Variants in ELFN2 observed in about 807,000 individuals in gnomAD.
ELFN2 encodes protein phosphatase 1 regulatory subunit 29.
Under a neutral mutation model 45.5 loss-of-function variants are expected in ELFN2, and 17 were observed. The observed-to-expected ratio is 0.37, with a 90% confidence interval of 0.26 to 0.56. The LOEUF (loss-of-function observed/expected upper bound fraction) is 0.56, where lower values mean the gene tolerates loss of function less well. ELFN2 is among the 20% of genes least tolerant of loss of function. The pLI, the probability that ELFN2 is intolerant of heterozygous loss-of-function variation, is 0.77. For synonymous variants in ELFN2, 550 were observed against 551.5 expected, an observed-to-expected ratio of 1.00 and a Z score of 0.04; for missense variants, 922 against 1,183.2, an observed-to-expected ratio of 0.78 and a Z score of 3.24.
chr22:37,377,864 T>G (rs911461859), intron 2 of ELFN2, among the ~76,000 whole-genome samples: 1 of 152,184 alleles, frequency 6.6e-6, no homozygotes, highest in African/African-American at 2.4e-5. Context: ...TTGGCCCCCG[T>G]CCAGCACGGC....
rs867242295 is a variant in ELFN2, at chr22:37,374,904, C to T, written c.631G>A (p.Asp211Asn). 7.4e-6 allele frequency: 12 copies of T among 1,611,862 alleles called. No individual in the cohort carries two copies. Among genetic ancestry groups the T allele is most frequent in the Middle Eastern group, 1.6e-4 (1 of 6,084 alleles). ...CGCGGCGACTCACACTGCAGGCGGT[C>T]GTAGTTCTTGGTGACGTTGTTGAAG... ...VVFNNVTKNY[D>N]RLQCESPREF... The change falls in exon 3 of 3, where the codon GAC becomes AAC. Residue 211 changes from aspartate to asparagine, a missense_variant. Physicochemically the swap from Asp to Asn is conservative, Grantham distance 23 (BLOSUM62 1). Transcript: ENST00000402918.
At chr22:37,377,787 G>A (rs1025203251) in intron 2 of ELFN2, among the ~76,000 whole-genome samples, 1 of 152,244 alleles carries the variant, frequency 6.6e-6, no homozygotes, top group Admixed American at 6.5e-5. Flanking sequence ...AGGAAGGGGT[G>A]CCCAGGCAGC....
intron 2 of ELFN2, among the ~76,000 whole-genome samples, chr22:37,406,404 C>T (rs1035682239): frequency 1.3e-5 from 2 of 152,188 alleles, no homozygotes; most frequent in Non-Finnish European, 2.9e-5. Context: ...CAGAGGGCTG[C>T]ACATCTCGGG....
chr22:37,407,741 A>C (rs1313855533), intron 2 of ELFN2, among the ~76,000 whole-genome samples: 1 of 152,068 alleles, frequency 6.6e-6, no homozygotes, highest in Non-Finnish European at 1.5e-5. Context: ...ACTAAAAAAA[A>C]AAAATTAGCT....
chr22:37,418,668 C>T (rs535204175), intron 1 of ELFN2, among the ~76,000 whole-genome samples: 103 of 151,966 alleles, frequency 6.8e-4, no homozygotes, highest in African/African-American at 2.1e-3. Context: ...GGATCACCAA[C>T]GCCGCCCAAC....
At chr22:37,355,922 C>T (rs1217078874) in intron 1 of ELFN2, among the ~76,000 whole-genome samples, 3 of 152,192 alleles carry the variant, frequency 2.0e-5, no homozygotes, top group Non-Finnish European at 4.4e-5. Flanking sequence ...TTTGTTTCTC[C>T]CACTTGCTGT....
Position 37,407,426 on chromosome 22 carries a change from C to A in ELFN2, c.-463+10343G>T, listed in dbSNP as rs376875967. Among the ~76,000 whole-genome samples, 77 of 152,306 alleles carry A rather than the reference C, an allele frequency of 5.1e-4. 1 individual carries two copies. The South Asian group carries it at 0.015, about 30-fold the overall frequency. On this transcript the variant is annotated intron_variant, in intron 2 of 2. Coordinates refer to ENST00000402918, the MANE Select transcript of ELFN2 (RefSeq NM_052906.5). Reference sequence around the variant, plus strand: ...TCGTGAACAAGACAGACAAGGTCCCCAGCCTCACAGTGCTTTCACTGTGAT... The same window carrying A: ...TCGTGAACAAGACAGACAAGGTCCCAAGCCTCACAGTGCTTTCACTGTGAT...
chr22:37,385,050 C>T (rs951408461), intron 2 of ELFN2: 3 of 152,356 alleles, frequency 2.0e-5, no homozygotes, highest in African/African-American at 7.2e-5. Flanking sequence ...TCCCTGCCCT[C>T]CAGTACCCTC....
chr22:37,373,992 C>T lies in ELFN2; in HGVS notation c.1543G>A (p.Ala515Thr). The change falls in exon 3 of 3, where the codon GCT (alanine) becomes ACT (threonine). Residue 515 changes from alanine to threonine, a missense_variant. Ala to Thr is a moderately conservative substitution (Grantham distance 58, BLOSUM62 0). Transcript: ENST00000402918. ...VRTGAGGDGLARPEDDLPDLE... is the reference protein window; with the variant it reads ...VRTGAGGDGLTRPEDDLPDLE... ...TCCGGGAGGTCATCCTCGGGCCGAG[C>T]CAGACCGTCCCCGCCGGCGCCTGTG... 1 of 1,613,034 alleles carries T rather than the reference C, an allele frequency of 6.2e-7. No individual in the cohort carries two copies.
chr22:37,422,101 C>T (rs1459236421), intron 1 of ELFN2, among the ~76,000 whole-genome samples: 1 of 152,124 alleles, frequency 6.6e-6, no homozygotes, highest in Non-Finnish European at 1.5e-5. Flanking sequence ...CTGGCAGCAC[C>T]CAGGCTCTTT....
chr22:37,361,316 A>G (rs8139785), intron 1 of ELFN2, among the ~76,000 whole-genome samples: 55,782 of 151,678 alleles, frequency 0.37, 10,793 homozygotes, highest in Admixed American at 0.56. Flanking sequence ...ATGTAAAGTG[A>G]CTTTCTGAGC....
chr22:37,349,699 G>A (rs904872809), intron 1 of ELFN2, among the ~76,000 whole-genome samples: 2 of 151,042 alleles, frequency 1.3e-5, no homozygotes, highest in African/African-American at 2.4e-5. Flanking sequence ...CCACACCGTG[G>A]TTTACATCCT....
chr22:37,362,657 C>G (rs773301387), intron 1 of ELFN2, among the ~76,000 whole-genome samples: 3 of 152,200 alleles, frequency 2.0e-5, no homozygotes, highest in Non-Finnish European at 4.4e-5. Flanking sequence ...AGAGCTCCTT[C>G]CAGCTCTTCT....
At chr22:37,401,509 C>T (rs1932359672) in intron 2 of ELFN2, among the ~76,000 whole-genome samples, 1 of 152,220 alleles carries the variant, frequency 6.6e-6, no homozygotes, top group Non-Finnish European at 1.5e-5. Flanking sequence ...TTCAGGCCAG[C>T]TGCTCCACTC....
intron 2 of ELFN2, among the ~76,000 whole-genome samples, chr22:37,379,698 C>T (rs1931693987): frequency 6.6e-6 from 1 of 152,216 alleles, no homozygotes; most frequent in Non-Finnish European, 1.5e-5. Flanking sequence ...GACCTCACAG[C>T]ACTTGCTGCT....
At chr22:37,386,030 A>T (rs1931937946) in intron 2 of ELFN2, among the ~76,000 whole-genome samples, 1 of 152,078 alleles carries the variant, frequency 6.6e-6, no homozygotes, top group Non-Finnish European at 1.5e-5. Context: ...AGAGGTCCCC[A>T]ACCAAGGGAG....
At chr22:37,409,232 C>T (rs1483668771) in intron 2 of ELFN2, among the ~76,000 whole-genome samples, 1 of 152,224 alleles carries the variant, frequency 6.6e-6, no homozygotes, top group Non-Finnish European at 1.5e-5. Context: ...GCCCCACCCC[C>T]AGCTCCGGAA....
chr22:37,422,074 A>C (rs2145692612), intron 1 of ELFN2, among the ~76,000 whole-genome samples: 1 of 152,324 alleles, frequency 6.6e-6, no homozygotes, highest in East Asian at 1.9e-4. Flanking sequence ...ACCAGTGTAC[A>C]CAAACAGTCA....
intron 1 of ELFN2, among the ~76,000 whole-genome samples, chr22:37,422,502 C>T (rs553723585): frequency 1.7e-4 from 26 of 150,962 alleles, no homozygotes; most frequent in South Asian, 2.2e-4. Flanking sequence ...GTCAGGAGTT[C>T]GAGACCAGCC....
Sources: gnomAD v4.1 joint callset for allele counts (sites outside exome capture counted in the v4.1 genomes callset) on GRCh38, gnomAD v4.1.1 for gene constraint, MANE v1.5 for transcripts, NCBI Gene and HGNC (gene_info 2026-07-23, HGNC 2026-07-21) for gene names.